Variants in GRM8 observed in about 807,000 individuals in gnomAD.
GRM8 encodes the protein glutamate metabotropic receptor 8.
GRM8 carries 47 observed loss-of-function variants against 87.2 expected under a neutral mutation model. That is an observed-to-expected ratio of 0.54 (90% CI 0.43 to 0.69). GRM8 has a LOEUF of 0.69. GRM8 is among the 30% of genes least tolerant of loss of function. The probability of loss-of-function intolerance (pLI) is 0.00; values close to 1 mark genes in which losing one functional copy is unlikely to be tolerated. For synonymous variants in GRM8, 396 were observed against 404.5 expected (o/e 0.98, Z 0.25); for missense variants, 1,019 against 1,139.2 (o/e 0.89, Z 1.52).
At chr7:126,906,635 G>A (rs1423161808) in intron 3 of GRM8, among the ~76,000 whole-genome samples, 5 of 152,194 alleles carry the variant, frequency 3.3e-5, no homozygotes, top group Admixed American at 6.5e-5. Context: ...AAGAAGAAAC[G>A]TCTGGTAGCC....
chr7:126,447,508 T>C (rs1420870436), intron 9 of GRM8, among the ~76,000 whole-genome samples: 1 of 151,978 alleles, frequency 6.6e-6, no homozygotes, highest in African/African-American at 2.4e-5. Flanking sequence ...TATGTTTTAA[T>C]CTGTTAGTCT....
At chr7:126,959,417 G>A (rs1809074779) in intron 3 of GRM8, among the ~76,000 whole-genome samples, 1 of 152,170 alleles carries the variant, frequency 6.6e-6, no homozygotes, top group Admixed American at 6.5e-5. Context: ...TAAAGGAGAT[G>A]ATTTAAAGAC....
At chr7:126,975,333 A>G (rs1467723443) in intron 3 of GRM8, among the ~76,000 whole-genome samples, 1 of 152,164 alleles carries the variant, frequency 6.6e-6, no homozygotes, top group African/African-American at 2.4e-5. Flanking sequence ...ATGAATTCCA[A>G]TCTTGAGATT....
At chr7:126,731,898 C>T (rs7785509) in intron 7 of GRM8, among the ~76,000 whole-genome samples, 45 of 151,790 alleles carry the variant, frequency 3.0e-4, no homozygotes, top group African/African-American at 1.1e-3. Flanking sequence ...AGTATTTTCC[C>T]CTTTTTAAAT....
chr7:126,999,466 G>A (rs1375729771), intron 3 of GRM8, among the ~76,000 whole-genome samples: 1 of 151,588 alleles, frequency 6.6e-6, no homozygotes, highest in Non-Finnish European at 1.5e-5. Context: ...CACAGAATAG[G>A]AGAAGATATT....
intron 6 of GRM8, among the ~76,000 whole-genome samples, chr7:126,822,804 A>G (rs76131969): frequency 0.018 from 2,718 of 152,230 alleles, 73 homozygotes; most frequent in African/African-American, 0.062. Context: ...ATCTCTGACT[A>G]CACATTCTTC....
At chr7:126,985,846 G>GTGAC (rs1812001115) in intron 3 of GRM8, among the ~76,000 whole-genome samples, 1 of 152,188 alleles carries the variant, frequency 6.6e-6, no homozygotes, top group Non-Finnish European at 1.5e-5. Flanking sequence ...CCTCTCAATA[G>GTGAC]TGACATACTG....
intron 6 of GRM8, among the ~76,000 whole-genome samples, chr7:126,828,518 C>G (rs1358785078): frequency 2.0e-5 from 3 of 152,130 alleles, no homozygotes; most frequent in South Asian, 2.1e-4. Flanking sequence ...TTGTAGTATT[C>G]TCTGATGGTA....
intron 9 of GRM8, among the ~76,000 whole-genome samples, chr7:126,473,826 T>C (rs1377252443): frequency 6.6e-6 from 1 of 152,062 alleles, no homozygotes; most frequent in Admixed American, 6.6e-5. Context: ...TGAATATGTC[T>C]CATGAGATCT....
At chr7:126,784,529 C>T (rs1657697262) in intron 6 of GRM8, among the ~76,000 whole-genome samples, 1 of 152,094 alleles carries the variant, frequency 6.6e-6, no homozygotes, top group African/African-American at 2.4e-5. Context: ...GCACCAAGGA[C>T]TTGGAGAGAA....
At chr7:127,225,569 T>G (rs1162343988) in intron 2 of GRM8, among the ~76,000 whole-genome samples, 1 of 151,742 alleles carries the variant, frequency 6.6e-6, no homozygotes, top group Non-Finnish European at 1.5e-5. Context: ...CGCAACAATT[T>G]GGAGCAGTGC....
At chr7:126,531,074 G>A (rs1814742331) in intron 9 of GRM8, among the ~76,000 whole-genome samples, 1 of 152,138 alleles carries the variant, frequency 6.6e-6, no homozygotes, top group South Asian at 2.1e-4. Context: ...CTTGGACAGA[G>A]AATAGCAGGT....
intron 7 of GRM8, among the ~76,000 whole-genome samples, chr7:126,650,473 T>A (rs1280240691): frequency 6.6e-6 from 1 of 152,180 alleles, no homozygotes; most frequent in East Asian, 1.9e-4. Context: ...TGAAGGGAAA[T>A]CTTCCCCTGT....
At chr7:126,579,201 T>C (rs1795382776) in intron 8 of GRM8, among the ~76,000 whole-genome samples, 2 of 152,238 alleles carry the variant, frequency 1.3e-5, no homozygotes. Context: ...AAATTTACAC[T>C]TCAAAATATG....
intron 9 of GRM8, among the ~76,000 whole-genome samples, chr7:126,471,669 T>A (rs1394395842): frequency 6.6e-6 from 1 of 151,938 alleles, no homozygotes; most frequent in Non-Finnish European, 1.5e-5. Context: ...GACTTGGCGA[T>A]GCGGGCTCTT....
At chr7:126,527,096 C>G (rs563549721) in intron 9 of GRM8, among the ~76,000 whole-genome samples, 1 of 152,186 alleles carries the variant, frequency 6.6e-6, no homozygotes, top group Admixed American at 6.5e-5. Context: ...CGGTGGCTCA[C>G]GCCTGTAATC....
chr7:126,821,692 C>T (rs1330212123), intron 6 of GRM8, among the ~76,000 whole-genome samples: 1 of 151,936 alleles, frequency 6.6e-6, no homozygotes, highest in Non-Finnish European at 1.5e-5. Flanking sequence ...CCAGGTACTA[C>T]AAAGAGTTCC....
intron 7 of GRM8, among the ~76,000 whole-genome samples, chr7:126,649,622 G>A (rs58979497): frequency 0.016 from 2,381 of 152,292 alleles, 49 homozygotes; most frequent in African/African-American, 0.042. Flanking sequence ...GGAGTCAGTA[G>A]AGACATTCCT....
chr7:126,906,617 GA>G, intron 3 of GRM8, among the ~76,000 whole-genome samples: 1 of 152,328 alleles, frequency 6.6e-6, no homozygotes, highest in East Asian at 1.9e-4. Context: ...GCTTTAGGTA[GA>G]CTTTCAAAGA....
Sources: allele counts gnomAD v4.1 joint callset (sites outside exome capture counted in the v4.1 genomes callset), GRCh38; gene constraint gnomAD v4.1.1; transcripts MANE v1.5; gene names NCBI Gene and HGNC (gene_info 2026-07-23, HGNC 2026-07-21).